The following LPXN variants were observed in gnomAD, a reference collection of about 807,000 sequenced individuals.
The protein encoded by LPXN is leupaxin.
A neutral mutation model predicts 45.6 loss-of-function variants in LPXN; 28 were observed. That is an observed-to-expected ratio of 0.61 (90% CI 0.45 to 0.84). The LOEUF (loss-of-function observed/expected upper bound fraction) is 0.84. LPXN is among the 40% of genes least tolerant of loss of function. The pLI is 0.00. For synonymous variants in LPXN, 166 were observed against 169.9 expected (o/e 0.98, Z 0.18); for missense variants, 459 against 475.0 (o/e 0.97, Z 0.31).
chr11:58,559,998 G>C (rs1854324025), intron 3 of LPXN, among the ~76,000 whole-genome samples: 5 of 152,232 alleles, frequency 3.3e-5, no homozygotes, highest in Admixed American at 3.3e-4. Context: ...TACCTGTGGA[G>C]CTGGTAATGA....
At chr11:58,569,266 C>A (rs1412579080) in intron 2 of LPXN, among the ~76,000 whole-genome samples, 1 of 152,152 alleles carries the variant, frequency 6.6e-6, no homozygotes, top group Non-Finnish European at 1.5e-5. Flanking sequence ...ATCAAGCAAC[C>A]TTTTAATTAT....
chr11:58,559,507 T>C (rs1854308680), intron 3 of LPXN, among the ~76,000 whole-genome samples: 1 of 152,174 alleles, frequency 6.6e-6, no homozygotes. Flanking sequence ...TAAGCAGACA[T>C]AGATTTAAGT....
chr11:58,527,991 G>C, intron 8 of LPXN, 52 bp downstream of exon 8: 1 of 1,579,284 alleles, frequency 6.3e-7, no homozygotes, highest in Non-Finnish European at 8.6e-7. Flanking sequence ...TCCTCTCAGA[G>C]AGGAGAACCC....
upstream of LPXN, among the ~76,000 whole-genome samples, chr11:58,577,022 G>A (rs1216061513): frequency 6.6e-6 from 1 of 152,044 alleles, no homozygotes; most frequent in East Asian, 1.9e-4. Context: ...GAAGTTCTGG[G>A]CTCAAGGGAT....
intron 1 of LPXN, among the ~76,000 whole-genome samples, 176 bp from the exon 2 acceptor site, chr11:58,570,889 G>C (rs113261232): frequency 2.7e-4 from 41 of 152,104 alleles, no homozygotes; most frequent in Non-Finnish European, 7.4e-5. Flanking sequence ...ATCCTACCAA[G>C]AAATGTTTAA....
intron 2 of LPXN, among the ~76,000 whole-genome samples, chr11:58,569,636 C>A (rs539726308): frequency 1.6e-4 from 24 of 152,224 alleles, no homozygotes; most frequent in Non-Finnish European, 3.1e-4. Flanking sequence ...GTGATCCCCC[C>A]GCCTCAGCCT....
At chr11:58,541,468 T>C (rs1853720115) in intron 7 of LPXN, among the ~76,000 whole-genome samples, 2 of 151,720 alleles carry the variant, frequency 1.3e-5, no homozygotes, top group South Asian at 4.2e-4. Flanking sequence ...ATCAGAGAAA[T>C]GCAAATCAAA....
At chr11:58,537,826 G>A (rs1157664107) in intron 7 of LPXN, among the ~76,000 whole-genome samples, 2 of 151,154 alleles carry the variant, frequency 1.3e-5, no homozygotes, top group South Asian at 2.1e-4. Context: ...CAATGTGCAC[G>A]TTAGTTACAT....
intron 3 of LPXN, among the ~76,000 whole-genome samples, chr11:58,563,787 G>A (rs1854449413): frequency 6.6e-6 from 1 of 152,200 alleles, no homozygotes; most frequent in East Asian, 1.9e-4. Context: ...TCCTAGCTCT[G>A]ACATTGCTAG....
intron 7 of LPXN, among the ~76,000 whole-genome samples, chr11:58,536,064 C>T (rs1294350795): frequency 2.6e-5 from 4 of 152,128 alleles, no homozygotes; most frequent in Non-Finnish European, 5.9e-5. Flanking sequence ...GAACCAATAT[C>T]GTGAAAATGG....
At chr11:58,570,235 G>A (rs1186350806) in intron 2 of LPXN, among the ~76,000 whole-genome samples, 1 of 151,230 alleles carries the variant, frequency 6.6e-6, no homozygotes, top group East Asian at 1.9e-4. Flanking sequence ...CCTGGGAGGT[G>A]AAGGTTGCAG....
chr11:58,550,146 C>T lies in LPXN; in HGVS notation c.487G>A (p.Val163Met), dbSNP rs944827016. 6.2e-7 allele frequency: 1 copy of T among 1,610,632 alleles called. No individual in the cohort carries two copies. The highest frequency in any genetic ancestry group is 8.5e-7 in the Non-Finnish European group (1 of 1,177,104). ...CATGATTGCCCTAGAGCATGGATCA[C>T]CTGTGGAGTGAAATAAAGCCTGACA... ...ASCQKPIAGK[V>M]IHALGQSWHP... The change falls in exon 6 of 9, where the codon GTG (valine) becomes ATG (methionine). Residue 163 changes from valine to methionine, a missense_variant and splice_region_variant. Physicochemically the swap from Val to Met is conservative, Grantham distance 21 (BLOSUM62 1). Coordinates refer to ENST00000395074, the MANE Select transcript of LPXN (RefSeq NM_004811.3).
intron 3 of LPXN, among the ~76,000 whole-genome samples, chr11:58,557,059 G>C (rs532174604): frequency 7.2e-5 from 11 of 152,136 alleles, no homozygotes; most frequent in Non-Finnish European, 1.5e-4. Context: ...GTTGGCCAGG[G>C]TATGGAGAAA....
At chr11:58,577,182 C>CT (rs1356067476), upstream of LPXN, among the ~76,000 whole-genome samples, 1 of 151,172 alleles carries the variant, frequency 6.6e-6, no homozygotes, top group Non-Finnish European at 1.5e-5. Flanking sequence ...CTCTGTATTA[C>CT]TTTGAGCATC....
At position 58,527,635 on chromosome 11, in the gene LPXN, G is replaced by T; in HGVS notation, c.980C>A (p.Thr327Lys). 1 of 1,614,178 alleles carries T rather than the reference G, an allele frequency of 6.2e-7. No homozygotes were observed. Among genetic ancestry groups the T allele is most frequent in the Non-Finnish European group, 8.5e-7 (1 of 1,180,020 alleles). ...GGGCTGCCCACACCCATGGCAGAGC[G>T]TTCCCCGGCGGTGATGGTAATGGAG... is the stretch of plus-strand genomic sequence containing the variant. The part of the protein sequence containing the change: ...CELHYHHRRG[T>K]LCHGCGQPIT... Residue 327 changes from threonine to lysine, a missense_variant, in exon 9 of 9, where the codon ACG becomes AAG. By Grantham distance (78) the Thr-to-Lys change is moderately conservative. Coordinates refer to ENST00000395074, the MANE Select transcript of LPXN (RefSeq NM_004811.3).
At position 58,575,730 on chromosome 11, in the gene LPXN, TCA is replaced by T. The variant is rs1214039147; in HGVS notation, c.13+28_13+29del. The T allele has an allele frequency of 3.1e-6, 5 of 1,614,034 alleles. No individual in the cohort carries two copies. In the South Asian group the frequency reaches 5.5e-5, roughly 18 times the overall value. On this transcript the variant is annotated intron_variant, in intron 1 of 8. Transcript: ENST00000395074. ...AGATGGCAGCCAAGTCTTCACTCCC[TCA>T]GAGTTTCTCCTCAGGCTCCTCACTC...
chr11:58,552,679 G>C (rs958461693), intron 4 of LPXN, among the ~76,000 whole-genome samples: 1 of 152,124 alleles, frequency 6.6e-6, no homozygotes, highest in African/African-American at 2.4e-5. Context: ...CAATCAAAAT[G>C]CTCATTTTGC....
chr11:58,547,423 A>C (rs1853908379), intron 7 of LPXN, among the ~76,000 whole-genome samples: 1 of 152,200 alleles, frequency 6.6e-6, no homozygotes, highest in South Asian at 2.1e-4. Flanking sequence ...TCCCGAAAAG[A>C]ATTCAGGGAA....
intron 7 of LPXN, 75 bp from the exon 8 acceptor site, chr11:58,528,266 C>T: frequency 1.5e-6 from 2 of 1,319,568 alleles, no homozygotes. Flanking sequence ...AGAGGAGGCC[C>T]TTTCAATCTC....
Sources: gnomAD v4.1 joint callset for allele counts (sites outside exome capture counted in the v4.1 genomes callset) on GRCh38, gnomAD v4.1.1 for gene constraint, MANE v1.5 for transcripts, NCBI Gene and HGNC (gene_info 2026-07-23, HGNC 2026-07-21) for gene names.